CDKAL1: variants seen among roughly 807,000 people sequenced by gnomAD.
CDKAL1 encodes threonylcarbamoyladenosine tRNA methylthiotransferase.
CDKAL1 carries 32 observed loss-of-function variants against 68.2 expected under a neutral mutation model. The observed-to-expected ratio is 0.47, with a 90% confidence interval of 0.35 to 0.63. The LOEUF (loss-of-function observed/expected upper bound fraction) is 0.63, where lower values mean the gene tolerates loss of function less well. Among genes scored for constraint, CDKAL1 ranks in the 30% least tolerant of loss-of-function variants. The pLI, the probability that CDKAL1 is intolerant of heterozygous loss-of-function variation, is 0.00. For missense variants in CDKAL1, 606 were observed against 696.7 expected, an observed-to-expected ratio of 0.87 and a Z score of 1.47; for synonymous variants, 234 against 244.3, an observed-to-expected ratio of 0.96 and a Z score of 0.39.
At chr6:21,019,018 G>A (rs188347133) in intron 11 of CDKAL1, among the ~76,000 whole-genome samples, 10 of 152,158 alleles carry the variant, frequency 6.6e-5, no homozygotes, top group South Asian at 6.2e-4. Context: ...GGTGAGATAC[G>A]TCTCCCTGCA....
intron 9 of CDKAL1, among the ~76,000 whole-genome samples, chr6:20,849,379 C>T (rs930991622): frequency 1.3e-5 from 2 of 151,926 alleles, no homozygotes; most frequent in Non-Finnish European, 2.9e-5. Flanking sequence ...GTCAGGAGAT[C>T]GAGACCATCC....
At chr6:21,160,667 G>T (rs1435118602) in intron 13 of CDKAL1, among the ~76,000 whole-genome samples, 2 of 129,150 alleles carry the variant, frequency 1.5e-5, no homozygotes, top group Non-Finnish European at 3.3e-5. Flanking sequence ...GTGTGTGTGT[G>T]TGTGTGTGTG....
At chr6:20,658,154 G>A (rs1461621977) in intron 5 of CDKAL1, among the ~76,000 whole-genome samples, 1 of 152,186 alleles carries the variant, frequency 6.6e-6, no homozygotes, top group Admixed American at 6.5e-5. Flanking sequence ...GTCATTCAGA[G>A]GCTGGTGAAA....
intron 10 of CDKAL1, among the ~76,000 whole-genome samples, chr6:20,995,312 T>G (rs1203526258): frequency 6.6e-6 from 1 of 152,234 alleles, no homozygotes; most frequent in Non-Finnish European, 1.5e-5. Context: ...TAACAGCATC[T>G]GGAATGACGA....
At chr6:20,880,874 A>G (rs761746881) in intron 9 of CDKAL1, among the ~76,000 whole-genome samples, 3 of 152,224 alleles carry the variant, frequency 2.0e-5, no homozygotes, top group Non-Finnish European at 2.9e-5. Context: ...CAAGTGAAAG[A>G]AAATTTACAG....
intron 13 of CDKAL1, among the ~76,000 whole-genome samples, chr6:21,147,551 G>C (rs1462964411): frequency 6.6e-6 from 1 of 152,160 alleles, no homozygotes; most frequent in African/African-American, 2.4e-5. Flanking sequence ...AGTGATCAAA[G>C]CTGAGCTTCC....
At chr6:20,999,216 CTCTT>C (rs1767288222) in intron 10 of CDKAL1, among the ~76,000 whole-genome samples, 1 of 152,096 alleles carries the variant, frequency 6.6e-6, no homozygotes, top group Admixed American at 6.6e-5. Context: ...TGCCTGCTGT[CTCTT>C]TCTTTTCACT....
chr6:20,813,876 C>A (rs913610058), intron 8 of CDKAL1, among the ~76,000 whole-genome samples: 4 of 151,994 alleles, frequency 2.6e-5, no homozygotes, highest in Non-Finnish European at 4.4e-5. Flanking sequence ...TAACTTCATT[C>A]TTTTTTCAAA....
chr6:20,770,672 G>A (rs1157097781), intron 7 of CDKAL1, among the ~76,000 whole-genome samples: 1 of 152,112 alleles, frequency 6.6e-6, no homozygotes, highest in East Asian at 1.9e-4. Flanking sequence ...ATTTTTAGGA[G>A]CATTTTCATT....
chr6:21,074,624 CAG>C (rs1051300069), intron 12 of CDKAL1, among the ~76,000 whole-genome samples: 1 of 152,076 alleles, frequency 6.6e-6, no homozygotes, highest in Non-Finnish European at 1.5e-5. Context: ...TGCAGTCAAA[CAG>C]AAGATATATG....
chr6:20,841,454 G>T lies in CDKAL1; in HGVS notation c.639-4621G>T, dbSNP rs115478194. 6.8e-3 allele frequency among the ~76,000 whole-genome samples: 1,038 copies of T among 152,258 alleles called. 17 individuals carry two copies. The highest frequency in any genetic ancestry group is 0.024 in the African/African-American group (987 of 41,550). ...CTCTTTACAAAAAAAGAATAGGTAT[G>T]TTAAAACTTTTAGTTTTCACTTGCT... On this transcript the variant is annotated intron_variant, in intron 8 of 15. Coordinates refer to ENST00000274695, the MANE Select transcript of CDKAL1 (RefSeq NM_017774.3).
chr6:21,138,915 G>T (rs758946507), intron 13 of CDKAL1, among the ~76,000 whole-genome samples: 2 of 152,144 alleles, frequency 1.3e-5, no homozygotes, highest in Non-Finnish European at 2.9e-5. Context: ...CCTTCTGTGT[G>T]CCCTTCTTGC....
At chr6:20,625,381 G>C (rs1767382043) in intron 4 of CDKAL1, among the ~76,000 whole-genome samples, 1 of 152,026 alleles carries the variant, frequency 6.6e-6, no homozygotes, top group Admixed American at 6.6e-5. Flanking sequence ...TTGCATTTTT[G>C]GTGTTGGTTA....
chr6:20,854,279 T>C (rs180818443), intron 9 of CDKAL1, among the ~76,000 whole-genome samples: 13 of 152,324 alleles, frequency 8.5e-5, no homozygotes, highest in Admixed American at 1.3e-4. Flanking sequence ...TTGATTATGC[T>C]GAGTATTCAG....
chr6:20,605,601 G>T (rs75416362), intron 4 of CDKAL1, among the ~76,000 whole-genome samples: 2,194 of 151,946 alleles, frequency 0.014, 63 homozygotes, highest in African/African-American at 0.05. Context: ...AAATATTTTT[G>T]AGCTTTGTTC....
intron 4 of CDKAL1, among the ~76,000 whole-genome samples, chr6:20,598,179 G>T (rs1432828609): frequency 6.6e-6 from 1 of 152,198 alleles, no homozygotes; most frequent in East Asian, 1.9e-4. Context: ...GCATTGGAGG[G>T]TTACAAGAGT....
intron 4 of CDKAL1, among the ~76,000 whole-genome samples, chr6:20,610,201 C>A (rs983940473): frequency 2.6e-5 from 4 of 152,140 alleles, no homozygotes; most frequent in African/African-American, 9.7e-5. Context: ...TAGGTTGATT[C>A]CGTGTCTTTG....
intron 12 of CDKAL1, among the ~76,000 whole-genome samples, chr6:21,079,976 C>CTGTGTGTGTGTGTGTGTGTGTG (rs764266426): frequency 0.021 from 2,872 of 135,764 alleles, 72 homozygotes; most frequent in East Asian, 0.087. Context: ...AACTTTGTCT[C>CTGTGTGTGTGTGTGTGTGTGTG]TGTGTGTGTG....
At chr6:21,119,738 T>TTTTTTTCCTCTG (rs1380152718) in intron 13 of CDKAL1, among the ~76,000 whole-genome samples, 2 of 152,196 alleles carry the variant, frequency 1.3e-5, no homozygotes, top group African/African-American at 4.8e-5. Context: ...GGGTTCTTGC[T>TTTTTTTCCTCTG]TTTTTTCCTC....
Sources: allele counts gnomAD v4.1 joint callset (sites outside exome capture counted in the v4.1 genomes callset), GRCh38; gene constraint gnomAD v4.1.1; transcripts MANE v1.5; gene names NCBI Gene and HGNC (gene_info 2026-07-23, HGNC 2026-07-21).